Variants in DPYSL2 observed in about 807,000 individuals in gnomAD.
DPYSL2 encodes dihydropyrimidinase like 2.
DPYSL2 carries 13 observed loss-of-function variants against 69.9 expected under a neutral mutation model. The observed-to-expected ratio is 0.19, with a 90% CI of 0.12 to 0.30. DPYSL2 has a LOEUF of 0.30. DPYSL2 is among the 10% of genes least tolerant of loss of function. DPYSL2 has a pLI of 1.00. For missense variants in DPYSL2, 587 were observed against 918.9 expected, an observed-to-expected ratio of 0.64 and a Z score of 4.67; for synonymous variants, 326 against 359.1, an observed-to-expected ratio of 0.91 and a Z score of 1.04.
chr8:26,546,682 G>A (rs1002771235), intron 1 of DPYSL2, among the ~76,000 whole-genome samples: 1 of 151,906 alleles, frequency 6.6e-6, no homozygotes. Flanking sequence ...CACTTTGGGA[G>A]GCCGAGACGG....
At position 26,653,292 on chromosome 8, in the gene DPYSL2, G is replaced by C; in HGVS notation, c.1837G>C (p.Val613Leu). The change falls in exon 13 of 14, where the codon GTG becomes CTG. Residue 613 changes from valine (V) to leucine (L), a missense_variant. This residue lies in a region of DPYSL2 where 452 missense variants were observed against 754.3 expected (regional missense o/e 0.60). Transcript: ENST00000521913. This position sits in a 1 kb window ranked among gnomAD's most constrained non-coding sequence, Gnocchi z 5.7. ...TGACGGACCTGTGTGTGAAGTGTCT[G>C]TGACGCCCAAGACAGTCACTCCAGC... ...LYDGPVCEVSVTPKTVTPASS... is the reference protein window; with the variant it reads ...LYDGPVCEVSLTPKTVTPASS... The C allele has an allele frequency of 6.2e-7, 1 of 1,614,182 alleles. No homozygotes were observed.
At chr8:26,655,552 A>G (rs1275299988) in intron 13 of DPYSL2, 63 bp from the exon 14 acceptor site, 3 of 1,400,118 alleles carry the variant, frequency 2.1e-6, no homozygotes, top group Non-Finnish European at 2.9e-6. Flanking sequence ...TTTCACCTTC[A>G]AGCAGGATCT....
At chr8:26,556,126 T>TATATACTATATATATTATATATAGTA (rs1491379170) in intron 1 of DPYSL2, among the ~76,000 whole-genome samples, 1 of 13,336 alleles carries the variant, frequency 7.5e-5, no homozygotes, top group African/African-American at 3.9e-4. Context: ...ACTATATATA[T>TATATACTATATATATTATATATAGTA]TATATATACT....
Position 26,588,712 on chromosome 8 carries a change from C to G in DPYSL2, c.628+4729C>G, listed in dbSNP as rs1486951232. On this transcript the variant is annotated intron_variant, in intron 3 of 13. Coordinates refer to ENST00000521913, the MANE Select transcript of DPYSL2 (RefSeq NM_001197293.3). The surrounding 1 kb of genome is among the most constrained non-coding windows in gnomAD (Gnocchi z 5.4). ...ACCAGCCTTGTCACTTCTCCCCTGG[C>G]TGTGGCTCCCTGGATGTGCATCAGG... is the stretch of plus-strand genomic sequence containing the variant. Among the ~76,000 whole-genome samples the G allele has an allele frequency of 3.3e-5, 5 of 152,140 alleles. No homozygotes were observed. In the South Asian group the frequency reaches 8.3e-4, roughly 25 times the overall value.
In DPYSL2 at chr8:26,626,528, C is replaced by A; in HGVS notation, c.794-89C>A. 1 of 1,150,348 alleles carries A rather than the reference C, an allele frequency of 8.7e-7. No homozygotes were observed. The highest frequency in any genetic ancestry group is 1.3e-5 in the South Asian group (1 of 76,530). 71.3% of individuals were successfully genotyped at this position (1,150,348 alleles called of 1,614,324 possible). On this transcript the variant is annotated intron_variant, in intron 4 of 13. Coordinates refer to ENST00000521913, the MANE Select transcript of DPYSL2 (RefSeq NM_001197293.3). The surrounding 1 kb of genome is among the most constrained non-coding windows in gnomAD (Gnocchi z 4.3). Reference sequence around the variant, plus strand: ...ACACACACACACACACACACGTACACACACAGACAGTATTATCACTTTCTT... The same window carrying A: ...ACACACACACACACACACACGTACAAACACAGACAGTATTATCACTTTCTT...
chr8:26,602,853 A>G (rs1452136118), intron 3 of DPYSL2, among the ~76,000 whole-genome samples: 1 of 152,256 alleles, frequency 6.6e-6, no homozygotes, highest in Admixed American at 6.5e-5. Flanking sequence ...GGAACAGAGA[A>G]GAGAAATCTT....
chr8:26,547,117 C>A (rs1800783823), intron 1 of DPYSL2, among the ~76,000 whole-genome samples: 1 of 151,874 alleles, frequency 6.6e-6, no homozygotes, highest in African/African-American at 2.4e-5. Flanking sequence ...AATGCCAGCA[C>A]TTTGGGAGGT....
At position 26,610,576 on chromosome 8, in the gene DPYSL2, C is replaced by T. The variant is rs547770666; in HGVS notation, c.629-13567C>T. On this transcript the variant is annotated intron_variant, in intron 3 of 13. Coordinates refer to ENST00000521913, the MANE Select transcript of DPYSL2 (RefSeq NM_001197293.3). The surrounding 1 kb of genome is among the most constrained non-coding windows in gnomAD (Gnocchi z 4.5). ...AAGTTCCATGCCTGGGGCCCTCCAC[C>T]CTCCTTCCCTCAATCACGCCTTTAT... Among the ~76,000 whole-genome samples, 1 of 152,138 alleles carries T rather than the reference C, an allele frequency of 6.6e-6. No individual in the cohort carries two copies. Among genetic ancestry groups the T allele is most frequent in the East Asian group, 1.9e-4 (1 of 5,168 alleles).
Position 26,514,546 on chromosome 8 carries a change from T to C in DPYSL2, c.221T>C (p.Leu74Ser). 6.5e-7 allele frequency: 1 copy of C among 1,528,376 alleles called. No homozygotes were observed. The highest frequency in any genetic ancestry group is 8.7e-7 in the Non-Finnish European group (1 of 1,143,748). The allele number at this position is 1,528,376 out of a possible 1,614,324, so 94.7% of individuals were successfully genotyped here. Reference sequence around the variant, plus strand: ...GCTCAGCAGCGGGACGTCGCCCACTTGGGCCCGGACCCGCAGCCGCCGTAC... The same window carrying C: ...GCTCAGCAGCGGGACGTCGCCCACTCGGGCCCGGACCCGCAGCCGCCGTAC... ...VVAQQRDVAH[L>S]GPDPQPPYSR... The change falls in exon 1 of 14, where the codon TTG becomes TCG. Residue 74 changes from leucine to serine, a missense_variant. Physicochemically the swap from Leu to Ser is moderately radical, Grantham distance 145. Coordinates refer to ENST00000521913, the MANE Select transcript of DPYSL2 (RefSeq NM_001197293.3). The surrounding 1 kb of genome is among the most constrained non-coding windows in gnomAD (Gnocchi z 8.4).
chr8:26,578,395 CTT>C, intron 1 of DPYSL2: 1 of 1,575,902 alleles, frequency 6.3e-7, no homozygotes, highest in East Asian at 2.3e-5. Flanking sequence ...AGGGACCGAA[CTT>C]TTTTTTTCCT....
At chr8:26,520,776 T>C (rs1319280924) in intron 1 of DPYSL2, among the ~76,000 whole-genome samples, 1 of 152,210 alleles carries the variant, frequency 6.6e-6, no homozygotes, top group Non-Finnish European at 1.5e-5. Context: ...TTATTTCTCA[T>C]GGTTCTGGAG....
Position 26,593,996 on chromosome 8 carries a change from C to T in DPYSL2, c.628+10013C>T, listed in dbSNP as rs139319058. ...CATTCACCTCCTTCCCAGCCCCGCT[C>T]CCACAGCTGGGCACGGTTTATTGGA... On this transcript the variant is annotated intron_variant, in intron 3 of 13. Coordinates refer to ENST00000521913, the MANE Select transcript of DPYSL2 (RefSeq NM_001197293.3). The surrounding 1 kb of genome is among the most constrained non-coding windows in gnomAD (Gnocchi z 5.7). 3.0e-3 allele frequency among the ~76,000 whole-genome samples: 456 copies of T among 152,300 alleles called. 3 individuals are homozygous for T. Among genetic ancestry groups the T allele is most frequent in the African/African-American group, 0.011 (437 of 41,560 alleles).
Position 26,650,549 on chromosome 8 carries a change from CCA to C in DPYSL2, c.1597-1707_1597-1706del, listed in dbSNP as rs1803260007. Among the ~76,000 whole-genome samples, 1 of 152,152 alleles carries C rather than the reference CCA, an allele frequency of 6.6e-6. No individual in the cohort carries two copies. The highest frequency in any genetic ancestry group is 1.5e-5 in the Non-Finnish European group (1 of 68,036). ...CTGAGACAGGATTAAAGCAATCTCCCCAGAGTCACACAACTTCTGGATTTTAC... is the reference window on the plus strand; with the variant it reads ...CTGAGACAGGATTAAAGCAATCTCCCGAGTCACACAACTTCTGGATTTTAC... On this transcript the variant is annotated intron_variant, in intron 11 of 13. Transcript: ENST00000521913. This position sits in a 1 kb window ranked among gnomAD's most constrained non-coding sequence, Gnocchi z 5.3.
rs79873983 is a variant in DPYSL2, at chr8:26,570,290, G to T, written c.355-11679G>T. ...TGAGTTACACTGGGTTATGAGGAAA[G>T]AAAGAGATGGAGAATTGATTTCGGG... On this transcript the variant is annotated intron_variant, in intron 1 of 13. Coordinates refer to ENST00000521913, the MANE Select transcript of DPYSL2 (RefSeq NM_001197293.3). Among the ~76,000 whole-genome samples, 254 of 152,286 alleles carry T rather than the reference G, an allele frequency of 1.7e-3. 1 individual carries two copies. The highest frequency in any genetic ancestry group is 5.9e-3 in the African/African-American group (246 of 41,550).
rs1011766014 is a variant in DPYSL2, at chr8:26,597,504, T to C, written c.628+13521T>C. On this transcript the variant is annotated intron_variant, in intron 3 of 13. Transcript: ENST00000521913. This position sits in a 1 kb window ranked among gnomAD's most constrained non-coding sequence, Gnocchi z 5.2. ...TTTCTTTTTTTTTGGATACAGAGTC[T>C]CCCTCCGTTGCCTAGGCTGGAATGC... 6.6e-6 allele frequency among the ~76,000 whole-genome samples: 1 copy of C among 152,090 alleles called. No individual in the cohort carries two copies. The highest frequency in any genetic ancestry group is 1.5e-5 in the Non-Finnish European group (1 of 68,010).
At position 26,640,706 on chromosome 8, in the gene DPYSL2, C is replaced by G. The variant is rs1227257964; in HGVS notation, c.1127-2733C>G. Among the ~76,000 whole-genome samples the G allele has an allele frequency of 1.3e-5, 2 of 152,160 alleles. No homozygotes were observed. The highest frequency in any genetic ancestry group is 1.3e-4 in the Admixed American group (2 of 15,286). ...TAAGAAAGAAAGAAAATCCAAAAGACAGCAAGGACCTCTGAATCCCTGAGG... is the reference window on the plus strand; with the variant it reads ...TAAGAAAGAAAGAAAATCCAAAAGAGAGCAAGGACCTCTGAATCCCTGAGG... On this transcript the variant is annotated intron_variant, in intron 8 of 13. Coordinates refer to ENST00000521913, the MANE Select transcript of DPYSL2 (RefSeq NM_001197293.3). This position sits in a 1 kb window ranked among gnomAD's most constrained non-coding sequence, Gnocchi z 4.2.
At position 26,602,591 on chromosome 8, in the gene DPYSL2, G is replaced by A. The variant is rs1802017095; in HGVS notation, c.628+18608G>A. Among the ~76,000 whole-genome samples, 3 of 152,326 alleles carry A rather than the reference G, an allele frequency of 2.0e-5. No homozygotes were observed. In the South Asian group the frequency reaches 6.2e-4, roughly 32 times the overall value. ...GTTTGTTTAAACAAAGTGAATTAGTGTTGTGGTTTCTGCTGCTAAGAAAAC... is the reference window on the plus strand; with the variant it reads ...GTTTGTTTAAACAAAGTGAATTAGTATTGTGGTTTCTGCTGCTAAGAAAAC... On this transcript the variant is annotated intron_variant, in intron 3 of 13. Coordinates refer to ENST00000521913, the MANE Select transcript of DPYSL2 (RefSeq NM_001197293.3).
intron 3 of DPYSL2, among the ~76,000 whole-genome samples, chr8:26,601,701 C>T (rs1442539756): frequency 1.3e-5 from 2 of 152,198 alleles, no homozygotes; most frequent in Non-Finnish European, 2.9e-5. Flanking sequence ...ACTTCAGGTG[C>T]TAATGTTGCA....
chr8:26,556,134 ACT>A (rs1563384851), intron 1 of DPYSL2, among the ~76,000 whole-genome samples: 1 of 2,720 alleles, frequency 3.7e-4, no homozygotes, highest in East Asian at 0.1. Flanking sequence ...TATTATATAT[ACT>A]ATATATAGTA....
Sources: allele counts gnomAD v4.1 joint callset (sites outside exome capture counted in the v4.1 genomes callset), GRCh38; gene constraint gnomAD v4.1.1; regional missense constraint gnomAD v4.1.1; non-coding constraint Gnocchi (gnomAD v3.1); transcripts MANE v1.5; gene names NCBI Gene and HGNC (gene_info 2026-07-23, HGNC 2026-07-21).